The following CD1D variants were observed in gnomAD, a reference collection of about 807,000 sequenced individuals.
The protein encoded by CD1D is antigen-presenting glycoprotein CD1d.
Under a neutral mutation model 42.1 loss-of-function variants are expected in CD1D, and 40 were observed. That is an observed-to-expected ratio of 0.95 (90% CI 0.74 to 1.24). CD1D has a LOEUF of 1.24. Among genes scored for constraint, CD1D ranks in the 50% most tolerant of loss-of-function variants. The probability of loss-of-function intolerance (pLI) is 0.00; values close to 1 mark genes in which losing one functional copy is unlikely to be tolerated. For synonymous variants in CD1D, 178 were observed against 171.8 expected (o/e 1.04, Z -0.28); for missense variants, 437 against 416.5 (o/e 1.05, Z -0.43).
intron 3 of CD1D, 33 bp downstream of exon 3, chr1:158,182,343 C>T: frequency 6.2e-7 from 1 of 1,610,894 alleles, no homozygotes. Flanking sequence ...CTGCATTCCA[C>T]TTCAGGGCTC....
intron 4 of CD1D, 34 bp from the exon 5 acceptor site, chr1:158,183,902 G>A (rs745858652): frequency 1.9e-6 from 3 of 1,540,098 alleles, no homozygotes; most frequent in Non-Finnish European, 2.7e-6. Flanking sequence ...GAGGGGTCCT[G>A]TGCTGAGAGA....
rs1648359907 is a variant in CD1D, at chr1:158,180,914, G to C, written c.-188G>C. 2.0e-6 allele frequency: 1 copy of C among 499,768 alleles called. No individual in the cohort carries two copies. The highest frequency in any genetic ancestry group is 3.6e-5 in the Admixed American group (1 of 28,142). 31.0% of individuals were successfully genotyped at this position (499,768 alleles called of 1,614,324 possible). ...CTCTTTGCAGCTCGCACAGCTAAGG[G>C]CGAGGGCGCCCTTCGGCAGAAGCAG... is the stretch of plus-strand genomic sequence containing the variant. On this transcript the variant is annotated 5_prime_UTR_variant, in exon 1 of 6. Coordinates refer to ENST00000674085, the MANE Select transcript of CD1D (RefSeq NM_001371762.2).
intron 3 of CD1D, 32 bp downstream of exon 3, chr1:158,182,342 A>G (rs763961142): frequency 1.4e-5 from 22 of 1,613,008 alleles, no homozygotes; most frequent in Non-Finnish European, 1.6e-5. Flanking sequence ...CCTGCATTCC[A>G]CTTCAGGGCT....
In CD1D at chr1:158,186,253, GCAGTGTCAAGTTTGTGAAC is replaced by G; in HGVS notation, c.*2106_*2124del. ...GCGCTCTTCAGCTTAGGTTCCTCTAGCAGTGTCAAGTTTGTGAACCAACCCCACTGGCCTTCTGCATTCT... is the reference window on the plus strand; with the variant it reads ...GCGCTCTTCAGCTTAGGTTCCTCTAGCAACCCCACTGGCCTTCTGCATTCT... On this transcript the variant is annotated 3_prime_UTR_variant, in exon 6 of 6. Transcript: ENST00000674085. Among the ~76,000 whole-genome samples, 2 of 152,244 alleles carry G rather than the reference GCAGTGTCAAGTTTGTGAAC, an allele frequency of 1.3e-5. No homozygotes were observed. The highest frequency in any genetic ancestry group is 4.1e-4 in the South Asian group (2 of 4,824).
chr1:158,179,671 AAAG>A (rs1571060074), upstream of CD1D, among the ~76,000 whole-genome samples: 6 of 152,330 alleles, frequency 3.9e-5, no homozygotes, highest in East Asian at 9.6e-4. Context: ...GCAGATCTGG[AAAG>A]ACTTCCCTGA....
upstream of CD1D, chr1:158,180,106 G>A (rs530488464): frequency 6.6e-6 from 1 of 152,342 alleles, no homozygotes; most frequent in East Asian, 1.9e-4. Flanking sequence ...GAGGGAGAGG[G>A]AGGTGTCAGG....
chr1:158,182,909 C>G lies in CD1D; in HGVS notation c.639C>G (p.Pro213=). The stretch of plus-strand genomic sequence containing the variant: ...CCAAGGCCTGGCTGTCCCGTGGCCC[C>G]AGTCCTGGCCCTGGCCGTCTGCTGC... The part of the protein sequence containing the change: ...VKPKAWLSRG[P]SPGPGRLLLV... The change falls in exon 4 of 6, where the codon CCC becomes CCG. Residue 213 remains proline (P), a synonymous_variant. Coordinates refer to ENST00000674085, the MANE Select transcript of CD1D (RefSeq NM_001371762.2). 6.2e-7 allele frequency: 1 copy of G among 1,612,876 alleles called. No homozygotes were observed.
intron 1 of CD1D, 46 bp from the exon 2 acceptor site, chr1:158,181,409 T>C (rs1176167001): frequency 1.9e-6 from 3 of 1,603,530 alleles, no homozygotes; most frequent in African/African-American, 2.7e-5. Flanking sequence ...TGCTGGCTGC[T>C]CTCCCGGCCA....
upstream of CD1D, among the ~76,000 whole-genome samples, chr1:158,179,440 T>C (rs1347548935): frequency 1.3e-5 from 2 of 152,198 alleles, no homozygotes; most frequent in African/African-American, 4.8e-5. Flanking sequence ...AACATTAACG[T>C]TAGCAGAATG....
intron 4 of CD1D, 127 bp from the exon 5 acceptor site, chr1:158,183,809 A>G (rs1648572920): frequency 4.0e-6 from 3 of 744,854 alleles, no homozygotes; most frequent in Non-Finnish European, 7.0e-6. Context: ...AGGAATAGAA[A>G]TTGGGGTTTT....
intron 4 of CD1D, among the ~76,000 whole-genome samples, chr1:158,183,723 A>G (rs540540438): frequency 2.5e-3 from 387 of 152,320 alleles, no homozygotes; most frequent in Middle Eastern, 6.8e-3. Flanking sequence ...CCTCTATGCT[A>G]CACTAGCAAA....
chr1:158,183,303 TC>T, intron 4 of CD1D, 147 bp downstream of exon 4: 1 of 935,884 alleles, frequency 1.1e-6, no homozygotes, highest in Non-Finnish European at 1.5e-6. Flanking sequence ...AGAGAGGGGT[TC>T]CAGACACAGG....
In CD1D at chr1:158,181,680, C is replaced by G; in HGVS notation, c.287C>G (p.Thr96Ser). 6.2e-7 allele frequency: 1 copy of G among 1,613,120 alleles called. No individual in the cohort carries two copies. The highest frequency in any genetic ancestry group is 8.5e-7 in the Non-Finnish European group (1 of 1,180,018). The change falls in exon 2 of 6, where the codon ACC (threonine) becomes AGC (serine). Residue 96 changes from threonine (T) to serine (S), a missense_variant. By Grantham distance (58) the Thr-to-Ser change is moderately conservative. Transcript: ENST00000674085. ...TTTCGGGTTTATCGAAGCAGCTTCA[C>G]CAGGGACGTGAAGGAATTCGCCAAA... The part of the protein sequence containing the change: ...HIFRVYRSSF[T>S]RDVKEFAKML...
chr1:158,182,084 C>T lies in CD1D; in HGVS notation c.381C>T (p.Ala127=), dbSNP rs1442300320. 1.9e-6 allele frequency: 3 copies of T among 1,614,066 alleles called. No homozygotes were observed. The highest frequency in any genetic ancestry group is 8.5e-7 in the Non-Finnish European group (1 of 1,179,960). The change falls in exon 3 of 6, where the codon GCC becomes GCT. Residue 127 remains alanine, a synonymous_variant. Coordinates refer to ENST00000674085, the MANE Select transcript of CD1D (RefSeq NM_001371762.2). ...SAGCEVHPGN[A]SNNFFHVAFQ... ...GCTGTGAGGTGCACCCTGGGAACGC[C>T]TCAAATAACTTCTTCCATGTAGCAT...
rs986828106 is a variant in CD1D at position 158,181,486 on chromosome 1, C to G, written c.93C>G (p.Leu31=). The G allele has an allele frequency of 1.2e-6, 2 of 1,614,040 alleles. No individual in the cohort carries two copies. Among genetic ancestry groups the G allele is most frequent in the Non-Finnish European group, 1.7e-6 (2 of 1,180,032 alleles). ...AAAGGCTTTTCCCCCTCCGCTGCCTCCAGATCTCGTCCTTCGCCAATAGCA... is the reference window on the plus strand; with the variant it reads ...AAAGGCTTTTCCCCCTCCGCTGCCTGCAGATCTCGTCCTTCGCCAATAGCA... ...VPQRLFPLRC[L]QISSFANSSW... Residue 31 remains leucine (L), a synonymous_variant, in exon 2 of 6, where the codon CTC becomes CTG. Transcript: ENST00000674085.
In CD1D at chr1:158,184,313, C is replaced by G; in HGVS notation, c.*163C>G. Reference sequence around the variant, plus strand: ...AGTCATGAGGCAGCTTTCATCACACCCTTTTAACATTTATCTAAAAGAATT... The same window carrying G: ...AGTCATGAGGCAGCTTTCATCACACGCTTTTAACATTTATCTAAAAGAATT... On this transcript the variant is annotated 3_prime_UTR_variant, in exon 6 of 6. Transcript: ENST00000674085. 1.5e-6 allele frequency: 1 copy of G among 686,358 alleles called. No individual in the cohort carries two copies. Among genetic ancestry groups the G allele is most frequent in the Non-Finnish European group, 2.5e-6 (1 of 392,690 alleles). The allele number at this position is 686,358 out of a possible 1,614,324, so 42.5% of individuals were successfully genotyped here. A position where few individuals can be genotyped will look rare whatever the true frequency, so the allele number is the denominator to read the frequency against.
chr1:158,180,653 C>T (rs7524536), upstream of CD1D, among the ~76,000 whole-genome samples: 1,157 of 152,286 alleles, frequency 7.6e-3, 9 homozygotes, highest in African/African-American at 0.026. Context: ...AGTCTTTCCA[C>T]CTAGAGACAT....
In CD1D at chr1:158,183,037, A is replaced by T. The variant is rs750996933; in HGVS notation, c.767A>T (p.Asn256Ile). 1 of 1,614,144 alleles carries T rather than the reference A, an allele frequency of 6.2e-7. No homozygotes were observed. Among genetic ancestry groups the T allele is most frequent in the Non-Finnish European group, 8.5e-7 (1 of 1,179,992 alleles). ...ACTCAGCCAGGGGACATCCTGCCCA[A>T]TGCTGACGAGACATGGTATCTCCGA... ...QGTQPGDILP[N>I]ADETWYLRAT... The change falls in exon 4 of 6, where the codon AAT becomes ATT. Residue 256 changes from asparagine (N) to isoleucine (I), a missense_variant. Asn to Ile is a moderately radical substitution (Grantham distance 149, BLOSUM62 -3). Transcript: ENST00000674085.
intron 1 of CD1D, 35 bp from the exon 2 acceptor site, chr1:158,181,420 C>T (rs1323599113): frequency 1.0e-5 from 16 of 1,606,738 alleles, no homozygotes; most frequent in Non-Finnish European, 1.2e-5. Context: ...CTCCCGGCCA[C>T]TTGCTACACG....
Sources: gnomAD v4.1 joint callset for allele counts (sites outside exome capture counted in the v4.1 genomes callset) on GRCh38, gnomAD v4.1.1 for gene constraint, MANE v1.5 for transcripts, NCBI Gene and HGNC (gene_info 2026-07-23, HGNC 2026-07-21) for gene names.